ITGA9: variants seen among roughly 807,000 people sequenced by gnomAD.
ITGA9 encodes integrin subunit alpha 9.
Under a neutral mutation model 127.8 loss-of-function variants are expected in ITGA9, and 56 were observed. That is an observed-to-expected ratio of 0.44 (90% confidence interval 0.35 to 0.55). The LOEUF is 0.55. Ranked by LOEUF, ITGA9 falls within the 20% of genes least tolerant of loss-of-function variation. The pLI is 0.00. For synonymous variants in ITGA9, 508 were observed against 514.5 expected (o/e 0.99, Z 0.17); for missense variants, 1,196 against 1,347.1 (o/e 0.89, Z 1.76).
At chr3:37,709,906 C>T (rs989952236) in intron 18 of ITGA9, among the ~76,000 whole-genome samples, 6 of 152,150 alleles carry the variant, frequency 3.9e-5, no homozygotes, top group South Asian at 2.1e-4. Context: ...ACCCAAGAGG[C>T]GGAAGTTGCA....
At chr3:37,636,252 T>C (rs1700277657) in intron 16 of ITGA9, among the ~76,000 whole-genome samples, 1 of 152,168 alleles carries the variant, frequency 6.6e-6, no homozygotes, top group Non-Finnish European at 1.5e-5. Flanking sequence ...CCACCAACAG[T>C]GTAAAAGTCT....
At position 37,523,533 on chromosome 3, in the gene ITGA9, C is replaced by G; in HGVS notation, c.1249C>G (p.Gln417Glu). The G allele has an allele frequency of 1.9e-6, 3 of 1,613,680 alleles. No individual in the cohort carries two copies. The highest frequency in any genetic ancestry group is 2.5e-6 in the Non-Finnish European group (3 of 1,179,686). Reference sequence around the variant, plus strand: ...TTATCTGTTTCAGAAACTGTCTGGGCAGAAGATAAATCCAGTGCTCCGGAT... The same window carrying G: ...TTATCTGTTTCAGAAACTGTCTGGGGAGAAGATAAATCCAGTGCTCCGGAT... ...VPQYSMKLSG[Q>E]KINPVLRMFG... Residue 417 changes from glutamine (Q) to glutamate (E), a missense_variant, in exon 12 of 28, where the codon CAG becomes GAG. Coordinates refer to ENST00000264741, the MANE Select transcript of ITGA9 (RefSeq NM_002207.3).
At chr3:37,496,035 G>A (rs547093746) in intron 5 of ITGA9, among the ~76,000 whole-genome samples, 7 of 152,142 alleles carry the variant, frequency 4.6e-5, no homozygotes, top group South Asian at 2.1e-4. Context: ...TGGGACATGG[G>A]GGGTGGAGGG....
chr3:37,654,335 G>A (rs147294976), intron 17 of ITGA9, among the ~76,000 whole-genome samples: 2 of 152,232 alleles, frequency 1.3e-5, no homozygotes, highest in African/African-American at 4.8e-5. Context: ...TATTGTTTCA[G>A]GGTTTCCTCC....
At chr3:37,698,702 T>C (rs114791376) in intron 18 of ITGA9, among the ~76,000 whole-genome samples, 2 of 152,246 alleles carry the variant, frequency 1.3e-5, no homozygotes, top group African/African-American at 4.8e-5. Context: ...TGCTAGTGAG[T>C]GTAGGTGCTG....
rs1396834355 is a variant in ITGA9, at chr3:37,629,657, G to A, written c.1839+321G>A. 1 of 585,052 alleles carries A rather than the reference G, an allele frequency of 1.7e-6. No individual in the cohort carries two copies. The highest frequency in any genetic ancestry group is 1.9e-5 in the African/African-American group (1 of 53,628). The allele number at this position is 585,052 out of a possible 1,614,324, so 36.2% of individuals were successfully genotyped here. On this transcript the variant is annotated intron_variant, in intron 16 of 27. Coordinates refer to ENST00000264741, the MANE Select transcript of ITGA9 (RefSeq NM_002207.3). The surrounding 1 kb of genome is among the most constrained non-coding windows in gnomAD (Gnocchi z 4.5). ...GTTCCTAGACTGTTTTCAGAGCTTA[G>A]ATTGGTGGATAGTAGGTGCTTAATG...
At chr3:37,657,516 T>C (rs1700490131) in intron 17 of ITGA9, among the ~76,000 whole-genome samples, 1 of 152,180 alleles carries the variant, frequency 6.6e-6, no homozygotes, top group Admixed American at 6.5e-5. Context: ...AGTTTGTATT[T>C]CTGTAGGATT....
intron 25 of ITGA9, among the ~76,000 whole-genome samples, chr3:37,782,379 C>T (rs1026079703): frequency 5.3e-5 from 8 of 152,206 alleles, no homozygotes; most frequent in East Asian, 3.9e-4. Flanking sequence ...TTTTCTATCC[C>T]GGCAGCCAGT....
chr3:37,486,098 C>T (rs891386056), intron 4 of ITGA9, among the ~76,000 whole-genome samples: 2 of 152,204 alleles, frequency 1.3e-5, no homozygotes, highest in African/African-American at 2.4e-5. Context: ...ACAGAGATTT[C>T]TTTCATCCTT....
At chr3:37,727,411 T>A (rs13073053) in intron 18 of ITGA9, among the ~76,000 whole-genome samples, 3,843 of 152,298 alleles carry the variant, frequency 0.025, 96 homozygotes, top group South Asian at 0.13. Flanking sequence ...TAAAATAGGG[T>A]CTAAAATTTT....
chr3:37,513,957 C>T (rs1698959919), intron 9 of ITGA9, 57 bp downstream of exon 9: 9 of 1,606,130 alleles, frequency 5.6e-6, no homozygotes, highest in Non-Finnish European at 7.7e-6. Flanking sequence ...ATTTGTCCAG[C>T]CAGCAGTGGC....
chr3:37,722,336 A>T (rs1701198859), intron 18 of ITGA9, among the ~76,000 whole-genome samples: 1 of 152,344 alleles, frequency 6.6e-6, no homozygotes, highest in African/African-American at 2.4e-5. Context: ...CCATGCAATT[A>T]ACCCTTTTAA....
At chr3:37,580,925 T>G (rs1317615209) in intron 15 of ITGA9, among the ~76,000 whole-genome samples, 3 of 152,206 alleles carry the variant, frequency 2.0e-5, no homozygotes, top group African/African-American at 7.2e-5. Context: ...TTGCTTTACT[T>G]CTCTGACTCT....
At chr3:37,482,603 G>C (rs1296690062) in intron 4 of ITGA9, among the ~76,000 whole-genome samples, 2 of 152,102 alleles carry the variant, frequency 1.3e-5, no homozygotes, top group Admixed American at 1.3e-4. Context: ...GGGCCTCCCT[G>C]GGTTTTCCTA....
chr3:37,541,632 G>C (rs772225829), intron 14 of ITGA9, among the ~76,000 whole-genome samples: 1 of 152,092 alleles, frequency 6.6e-6, no homozygotes. Context: ...AGGTATGGGG[G>C]TGAGTTATTC....
chr3:37,688,236 G>A (rs780259659), intron 18 of ITGA9, among the ~76,000 whole-genome samples: 39 of 152,296 alleles, frequency 2.6e-4, no homozygotes, highest in Non-Finnish European at 4.4e-4. Flanking sequence ...GAATGTGAGC[G>A]AGGTGCTAGC....
intron 17 of ITGA9, among the ~76,000 whole-genome samples, chr3:37,682,448 T>A (rs576347989): frequency 3.3e-5 from 5 of 152,258 alleles, no homozygotes; most frequent in African/African-American, 4.8e-5. Context: ...CTCTCGATTT[T>A]CCTCTTCCTT....
intron 15 of ITGA9, among the ~76,000 whole-genome samples, chr3:37,565,617 G>A (rs1699538806): frequency 6.6e-6 from 1 of 152,202 alleles, no homozygotes; most frequent in South Asian, 2.1e-4. Context: ...GTGGATGGTG[G>A]TGATGGTTGC....
chr3:37,618,532 T>C (rs908461870), intron 15 of ITGA9, among the ~76,000 whole-genome samples: 1 of 152,206 alleles, frequency 6.6e-6, no homozygotes, highest in African/African-American at 2.4e-5. Context: ...TCTGCTGCCT[T>C]TTGTTTGGCT....
Sources: allele counts gnomAD v4.1 joint callset (sites outside exome capture counted in the v4.1 genomes callset), GRCh38; gene constraint gnomAD v4.1.1; non-coding constraint Gnocchi (gnomAD v3.1); transcripts MANE v1.5; gene names NCBI Gene and HGNC (gene_info 2026-07-23, HGNC 2026-07-21).